The following SNTB1 variants were observed in gnomAD, a reference collection of about 807,000 sequenced individuals.
The protein encoded by SNTB1 is syntrophin beta 1, also known as beta-1-syntrophin.
SNTB1 carries 36 observed loss-of-function variants against 48.9 expected under a neutral mutation model. That is an observed-to-expected ratio of 0.74 (90% CI 0.56 to 0.97). The LOEUF (loss-of-function observed/expected upper bound fraction) is 0.97, where lower values mean the gene tolerates loss of function less well. Among genes scored for constraint, SNTB1 ranks in the 50% least tolerant of loss-of-function variants. The pLI is 0.00. For missense variants in SNTB1, 786 were observed against 703.4 expected (o/e 1.12, Z -1.33); for synonymous variants, 299 against 294.6 (o/e 1.01, Z -0.15).
At chr8:120,768,389 A>G (rs879354177) in intron 1 of SNTB1, among the ~76,000 whole-genome samples, 1 of 152,214 alleles carries the variant, frequency 6.6e-6, no homozygotes, top group Non-Finnish European at 1.5e-5. Context: ...GTATTAACTG[A>G]GTATTATTTG....
chr8:120,783,249 C>T (rs1420307474), intron 1 of SNTB1, among the ~76,000 whole-genome samples: 2 of 152,100 alleles, frequency 1.3e-5, no homozygotes, highest in African/African-American at 4.8e-5. Context: ...ACTCATTTCA[C>T]CTACTCACTC....
chr8:120,666,752 C>T (rs879808341), intron 2 of SNTB1, among the ~76,000 whole-genome samples: 3 of 152,070 alleles, frequency 2.0e-5, no homozygotes, highest in Non-Finnish European at 4.4e-5. Context: ...TAGCATAGCT[C>T]ATTGATTCTC....
At chr8:120,584,561 G>A (rs1052093134) in intron 3 of SNTB1, among the ~76,000 whole-genome samples, 7 of 151,298 alleles carry the variant, frequency 4.6e-5, no homozygotes, top group Admixed American at 4.6e-4. Flanking sequence ...AAAAATCTAC[G>A]TGACAGGGAA....
intron 2 of SNTB1, among the ~76,000 whole-genome samples, chr8:120,652,116 A>C (rs1817419558): frequency 6.6e-6 from 1 of 152,196 alleles, no homozygotes; most frequent in Admixed American, 6.5e-5. Context: ...GACGGGCCAT[A>C]GGATAGAACT....
intron 1 of SNTB1, among the ~76,000 whole-genome samples, chr8:120,762,243 T>C (rs879869794): frequency 3.3e-5 from 5 of 152,206 alleles, no homozygotes; most frequent in Admixed American, 2.6e-4. Context: ...CCAGCATTTT[T>C]ATAAATGTCC....
At chr8:120,653,405 A>G (rs189880207) in intron 2 of SNTB1, among the ~76,000 whole-genome samples, 79 of 152,294 alleles carry the variant, frequency 5.2e-4, no homozygotes, top group African/African-American at 1.7e-3. Flanking sequence ...AGGGCAGGCA[A>G]CCACGAGAAG....
chr8:120,587,243 G>GACAA (rs1020330652), intron 3 of SNTB1, among the ~76,000 whole-genome samples: 2 of 70,314 alleles, frequency 2.8e-5, no homozygotes, highest in Admixed American at 2.6e-4. Flanking sequence ...AAACAAAACA[G>GACAA]ACAAACAAAC....
intron 1 of SNTB1, among the ~76,000 whole-genome samples, chr8:120,785,137 G>A (rs937022802): frequency 6.6e-6 from 1 of 152,176 alleles, no homozygotes; most frequent in Non-Finnish European, 1.5e-5. Flanking sequence ...CAGTGGTCAC[G>A]GGTTTAGAGA....
intron 3 of SNTB1, among the ~76,000 whole-genome samples, chr8:120,629,900 C>G (rs1041780748): frequency 3.3e-5 from 5 of 152,202 alleles, no homozygotes; most frequent in Non-Finnish European, 5.9e-5. Flanking sequence ...ACATTTATTG[C>G]TGTTCCATGA....
intron 4 of SNTB1, among the ~76,000 whole-genome samples, chr8:120,553,033 G>C (rs1332842489): frequency 1.3e-5 from 2 of 152,098 alleles, no homozygotes; most frequent in African/African-American, 4.8e-5. Context: ...GCGAGCAATG[G>C]GGAGCGCTGT....
At chr8:120,621,350 C>A (rs1816791306) in intron 3 of SNTB1, among the ~76,000 whole-genome samples, 1 of 152,124 alleles carries the variant, frequency 6.6e-6, no homozygotes, top group Non-Finnish European at 1.5e-5. Flanking sequence ...AAAGAAGATG[C>A]AGTAAAGTGT....
intron 1 of SNTB1, among the ~76,000 whole-genome samples, chr8:120,709,793 C>A (rs1159528104): frequency 2.0e-5 from 3 of 151,958 alleles, no homozygotes; most frequent in Non-Finnish European, 2.9e-5. Context: ...GAGATCTGGA[C>A]AACTTGCTAC....
At chr8:120,671,982 G>A (rs1817765628) in intron 2 of SNTB1, among the ~76,000 whole-genome samples, 1 of 152,210 alleles carries the variant, frequency 6.6e-6, no homozygotes, top group Non-Finnish European at 1.5e-5. Context: ...TGGTGCAAAA[G>A]CAATGTGCAT....
At chr8:120,708,897 T>A (rs1468585358) in intron 1 of SNTB1, among the ~76,000 whole-genome samples, 2 of 152,142 alleles carry the variant, frequency 1.3e-5, no homozygotes, top group Non-Finnish European at 2.9e-5. Flanking sequence ...GCTGTAAGCA[T>A]CTCCTTGAAA....
chr8:120,649,682 T>C lies in SNTB1; in HGVS notation c.789-17031A>G, dbSNP rs1189500823. Among the ~76,000 whole-genome samples the C allele has an allele frequency of 1.3e-4, 20 of 151,700 alleles. 1 individual carries two copies. In the South Asian group the frequency reaches 4.2e-3, roughly 32 times the overall value. On this transcript the variant is annotated intron_variant, in intron 2 of 6. Transcript: ENST00000517992. ...GAGGCAGGCAGGCCTCCTTGAGCTG[T>C]GGTGGGCTCCACCCAGTTCGAGCTT...
chr8:120,716,420 A>G (rs570439454), intron 1 of SNTB1, among the ~76,000 whole-genome samples: 28 of 152,328 alleles, frequency 1.8e-4, no homozygotes, highest in Admixed American at 9.2e-4. Context: ...AACAAAACTG[A>G]TTCCTTAGCC....
At position 120,736,343 on chromosome 8, in the gene SNTB1, G is replaced by A. The variant is rs183545334; in HGVS notation, c.572-42435C>T. Among the ~76,000 whole-genome samples the A allele has an allele frequency of 5.6e-4, 86 of 152,272 alleles. 1 individual carries two copies. The highest frequency in any genetic ancestry group is 2.0e-3 in the African/African-American group (84 of 41,552). ...ATCATGGAAAATTGGAGAGATAATA[G>A]CTAAGGCCCAGGACAAAAGTTGATA... On this transcript the variant is annotated intron_variant, in intron 1 of 6. Coordinates refer to ENST00000517992, the MANE Select transcript of SNTB1 (RefSeq NM_021021.4).
rs947647715 is a variant in SNTB1, at chr8:120,602,889, AC to A, written c.997-27665del. ...AACAAAGCTGTTTCAAAGTCATTAA[AC>A]TTTTAAAAAGCGTTTAAACATTAAT... On this transcript the variant is annotated intron_variant, in intron 3 of 6. Transcript: ENST00000517992. 7.9e-5 allele frequency among the ~76,000 whole-genome samples: 12 copies of A among 151,944 alleles called. No homozygotes were observed. The South Asian group carries it at 2.5e-3, about 31-fold the overall frequency.
rs1466996745 is a variant in SNTB1, at chr8:120,667,646, C to T, written c.788+26046G>A. Among the ~76,000 whole-genome samples the T allele has an allele frequency of 2.6e-5, 4 of 152,314 alleles. No individual in the cohort carries two copies. The South Asian group carries it at 8.3e-4, about 32-fold the overall frequency. On this transcript the variant is annotated intron_variant, in intron 2 of 6. Coordinates refer to ENST00000517992, the MANE Select transcript of SNTB1 (RefSeq NM_021021.4). ...GTGCTGGGATTACAGGAGTGAACAA[C>T]TGCGTGTGGCCCTGGTAATTTTTTC...
Sources: allele counts gnomAD v4.1 joint callset (sites outside exome capture counted in the v4.1 genomes callset), GRCh38; gene constraint gnomAD v4.1.1; transcripts MANE v1.5; gene names NCBI Gene and HGNC (gene_info 2026-07-23, HGNC 2026-07-21).